ZNF143: variants seen among roughly 807,000 people sequenced by gnomAD.
The protein encoded by ZNF143 is zinc finger protein 143, also known as SPH-binding factor.
Under a neutral mutation model 74.1 loss-of-function variants are expected in ZNF143, and 49 were observed. The ratio of observed to expected loss-of-function variants is 0.66; its 90% confidence interval spans 0.53 to 0.84. The LOEUF (loss-of-function observed/expected upper bound fraction) is 0.84, where lower values mean the gene tolerates loss of function less well. Ranked by LOEUF, ZNF143 falls within the 40% of genes least tolerant of loss-of-function variation. The pLI, the probability that ZNF143 is intolerant of heterozygous loss-of-function variation, is 0.00. For missense variants in ZNF143, 637 were observed against 793.4 expected (o/e 0.80, Z 2.37); for synonymous variants, 304 against 282.8 (o/e 1.07, Z -0.75).
chr11:9,486,414 T>TATATAATATATATAATATATATA, intron 7 of ZNF143, among the ~76,000 whole-genome samples: 1 of 24,036 alleles, frequency 4.2e-5, no homozygotes, highest in African/African-American at 1.7e-4. Flanking sequence ...ATATATATAA[T>TATATAATATATATAATATATATA]ATATATTATA....
chr11:9,494,936 CTG>C (rs1482856114), intron 8 of ZNF143, among the ~76,000 whole-genome samples, 171 bp downstream of exon 8: 4 of 152,168 alleles, frequency 2.6e-5, no homozygotes, highest in East Asian at 3.8e-4. Flanking sequence ...ACTTTAGAGA[CTG>C]TTAATTTTTT....
intron 7 of ZNF143, among the ~76,000 whole-genome samples, chr11:9,486,968 CTT>C (rs779391254): frequency 1.1e-4 from 12 of 104,618 alleles, no homozygotes; most frequent in Non-Finnish European, 1.6e-4. Context: ...GCACCTGGCC[CTT>C]TTTTTTTTTT....
chr11:9,465,301 C>T (rs1489731044), intron 1 of ZNF143, among the ~76,000 whole-genome samples: 2 of 151,952 alleles, frequency 1.3e-5, no homozygotes, highest in Non-Finnish European at 2.9e-5. Context: ...ATTCCCCTGC[C>T]TCAGCCTCCC....
At chr11:9,486,459 T>A (rs1847554108) in intron 7 of ZNF143, among the ~76,000 whole-genome samples, 3 of 85,976 alleles carry the variant, frequency 3.5e-5, no homozygotes, top group South Asian at 5.8e-4. Context: ...ATATATTATA[T>A]ATATATAAAA....
chr11:9,461,142 G>A, intron 1 of ZNF143, 66 bp downstream of exon 1: 1 of 961,552 alleles, frequency 1.0e-6, no homozygotes, highest in Non-Finnish European at 1.2e-6. Context: ...CCCTCAGCGC[G>A]GCGGCGCGGG....
intron 7 of ZNF143, 76 bp from the exon 8 acceptor site, chr11:9,494,570 C>G (rs1178864107): frequency 6.8e-7 from 1 of 1,466,560 alleles, no homozygotes; most frequent in East Asian, 2.5e-5. Flanking sequence ...CTCTGCCTCC[C>G]CATGTGCTAA....
At chr11:9,467,644 A>G (rs1251304185) in intron 1 of ZNF143, among the ~76,000 whole-genome samples, 4 of 152,014 alleles carry the variant, frequency 2.6e-5, no homozygotes, top group Non-Finnish European at 4.4e-5. Context: ...TCAGGAGTTC[A>G]AGACCCGCCT....
intron 1 of ZNF143, among the ~76,000 whole-genome samples, chr11:9,469,902 C>T (rs1856471104): frequency 6.6e-6 from 1 of 152,130 alleles, no homozygotes; most frequent in Non-Finnish European, 1.5e-5. Context: ...AACAGTAGTT[C>T]CCACTTTTGG....
chr11:9,472,934 A>G (rs1380820076), intron 3 of ZNF143, among the ~76,000 whole-genome samples, 165 bp downstream of exon 3: 1 of 127,478 alleles, frequency 7.8e-6, no homozygotes, highest in Non-Finnish European at 1.7e-5. Flanking sequence ...TTTTTTTTAT[A>G]ATTTGGAATA....
intron 12 of ZNF143, among the ~76,000 whole-genome samples, chr11:9,509,427 T>C (rs1206458014): frequency 2.0e-5 from 3 of 152,228 alleles, no homozygotes; most frequent in Non-Finnish European, 4.4e-5. Flanking sequence ...ATTATTTGTT[T>C]CAGTAAACCC....
At chr11:9,498,705 G>A (rs1305954700) in intron 10 of ZNF143, among the ~76,000 whole-genome samples, 2 of 152,158 alleles carry the variant, frequency 1.3e-5, no homozygotes, top group Non-Finnish European at 2.9e-5. Context: ...GATAAGAGAT[G>A]CTATTATAAG....
At chr11:9,462,916 C>T (rs889514194) in intron 1 of ZNF143, among the ~76,000 whole-genome samples, 1 of 152,090 alleles carries the variant, frequency 6.6e-6, no homozygotes, top group Admixed American at 6.6e-5. Context: ...AGTTGCGCAG[C>T]CATCACTACA....
chr11:9,501,876 C>T (rs990072497), intron 11 of ZNF143, among the ~76,000 whole-genome samples: 1 of 144,542 alleles, frequency 6.9e-6, no homozygotes, highest in African/African-American at 2.6e-5. Flanking sequence ...ACTTCTTAAA[C>T]TGGACTTTGT....
intron 13 of ZNF143, among the ~76,000 whole-genome samples, chr11:9,513,169 C>T (rs1476653663): frequency 2.0e-5 from 3 of 152,212 alleles, no homozygotes; most frequent in Admixed American, 6.5e-5. Flanking sequence ...TTTTTAAGCT[C>T]TAGCAAAGAC....
chr11:9,479,989 A>G (rs1847173318), intron 7 of ZNF143, among the ~76,000 whole-genome samples: 1 of 152,060 alleles, frequency 6.6e-6, no homozygotes, highest in Non-Finnish European at 1.5e-5. Flanking sequence ...TTCCTTTTCA[A>G]CTTCTGAAGG....
At chr11:9,520,155 G>T (rs1421159886) in intron 14 of ZNF143, among the ~76,000 whole-genome samples, 1 of 148,290 alleles carries the variant, frequency 6.7e-6, no homozygotes, top group African/African-American at 2.5e-5. Flanking sequence ...TCCTGCCTCG[G>T]CCTCCTTAGT....
chr11:9,479,619 A>G, intron 7 of ZNF143, 73 bp downstream of exon 7: 1 of 1,229,662 alleles, frequency 8.1e-7, no homozygotes, highest in Non-Finnish European at 1.2e-6. Flanking sequence ...GAAAGCAAGA[A>G]TAGGTAACTC....
At chr11:9,526,910 C>T (rs1001379978) in intron 15 of ZNF143, among the ~76,000 whole-genome samples, 2 of 152,150 alleles carry the variant, frequency 1.3e-5, no homozygotes, top group South Asian at 2.1e-4. Flanking sequence ...CTGCAAGCTC[C>T]GCCTCCTGGG....
intron 14 of ZNF143, among the ~76,000 whole-genome samples, chr11:9,524,772 G>T (rs1036767717): frequency 6.6e-6 from 1 of 152,120 alleles, no homozygotes; most frequent in African/African-American, 2.4e-5. Context: ...CTGTTTGTCA[G>T]TAGTACCACT....
Sources: allele counts gnomAD v4.1 joint callset (sites outside exome capture counted in the v4.1 genomes callset), GRCh38; gene constraint gnomAD v4.1.1; transcripts MANE v1.5; gene names NCBI Gene and HGNC (gene_info 2026-07-23, HGNC 2026-07-21).